Variants in GSTO2 observed in about 807,000 individuals in gnomAD.
The protein encoded by GSTO2 is glutathione S-transferase omega-2.
In GSTO2, 23 loss-of-function variants were observed where a neutral mutation model predicts 28.4. That is an observed-to-expected ratio of 0.81 (90% CI 0.58 to 1.15). The LOEUF (loss-of-function observed/expected upper bound fraction) is 1.15. Ranked by LOEUF, GSTO2 falls within the 50% of genes most tolerant of loss-of-function variation. The pLI is 0.00. For missense variants in GSTO2, 298 were observed against 297.8 expected, an observed-to-expected ratio of 1.00 and a Z score of 0.00; for synonymous variants, 109 against 111.0, an observed-to-expected ratio of 0.98 and a Z score of 0.11.
chr10:104,286,455 G>A (rs1485278580), intron 5 of GSTO2, among the ~76,000 whole-genome samples: 3 of 152,086 alleles, frequency 2.0e-5, no homozygotes, highest in Non-Finnish European at 2.9e-5. Context: ...GTGTGAATAC[G>A]CACATTTTGT....
rs2011748109 is a variant in GSTO2, at chr10:104,278,015, G to T, written c.265G>T (p.Ala89Ser). ...QCQLIYESVI[A>S]CEYLDDAYPG... ...TCAACTGATCTATGAATCTGTTATT[G>T]CTTGTGAGTACCTGGATGATGCTTA... The change falls in exon 4 of 7, where the codon GCT becomes TCT. Residue 89 changes from alanine (A) to serine (S), a missense_variant. Transcript: ENST00000338595. 3.7e-6 allele frequency: 6 copies of T among 1,613,964 alleles called. No homozygotes were observed. The South Asian group carries it at 5.5e-5, about 15-fold the overall frequency.
intron 6 of GSTO2, 41 bp downstream of exon 6, chr10:104,297,725 C>A (rs2013110826): frequency 1.5e-6 from 2 of 1,341,208 alleles, no homozygotes; most frequent in Non-Finnish European, 2.1e-6. Context: ...CCCGGAGTCA[C>A]ACTGAGTAAC....
chr10:104,295,559 A>G (rs1016411483), intron 5 of GSTO2: 2 of 152,220 alleles, frequency 1.3e-5, no homozygotes, highest in Non-Finnish European at 2.9e-5. Flanking sequence ...TTCTTCATAC[A>G]TGGTGATTTT....
At chr10:104,275,016 A>G (rs1047417882) in intron 2 of GSTO2, 67 bp downstream of exon 2, 36 of 1,551,302 alleles carry the variant, frequency 2.3e-5, no homozygotes, top group Non-Finnish European at 3.1e-5. Flanking sequence ...GCTTCGGCGG[A>G]GCTGCCTGGC....
intron 3 of GSTO2, 45 bp downstream of exon 3, chr10:104,275,379 A>C: frequency 3.6e-5 from 57 of 1,579,062 alleles, no homozygotes; most frequent in Non-Finnish European, 4.4e-5. Context: ...CCAGCGCCTC[A>C]CAGGAGCCCG....
intron 5 of GSTO2, chr10:104,296,489 G>C (rs1206439988): frequency 2.6e-5 from 4 of 151,900 alleles, no homozygotes; most frequent in South Asian, 2.1e-4. Context: ...AAATCAGCCA[G>C]GGGTAATCCC....
At chr10:104,282,579 A>T (rs1034447818) in intron 5 of GSTO2, among the ~76,000 whole-genome samples, 4 of 151,368 alleles carry the variant, frequency 2.6e-5, no homozygotes, top group East Asian at 1.9e-4. Flanking sequence ...GAAGAAGAAG[A>T]AGTTCAGCCC....
intron 3 of GSTO2, among the ~76,000 whole-genome samples, chr10:104,277,651 A>C (rs974376132): frequency 6.6e-6 from 1 of 152,086 alleles, no homozygotes; most frequent in Non-Finnish European, 1.5e-5. Context: ...CTTCTTTCCT[A>C]TGAGGTGAGC....
At position 104,297,738 on chromosome 10, in the gene GSTO2, T is replaced by C. The variant is rs1027437993; in HGVS notation, c.575+54T>C. ...TTCCCGGAGTCACACTGAGTAACAA[T>C]GGTTAAGATGGTCTGCATGCCCCCT... On this transcript the variant is annotated intron_variant, in intron 6 of 6. Transcript: ENST00000338595. 131 of 1,217,568 alleles carry C rather than the reference T, an allele frequency of 1.1e-4. No homozygotes were observed. The Middle Eastern group carries it at 1.1e-3, about 11-fold the overall frequency. The allele number at this position is 1,217,568 out of a possible 1,614,324, so 75.4% of individuals were successfully genotyped here. A position where few individuals can be genotyped will look rare whatever the true frequency, so the allele number is the denominator to read the frequency against.
In GSTO2 at chr10:104,275,262, TC is replaced by T. The variant is rs1589856461; in HGVS notation, c.73del (p.Arg25AlafsTer5). 1 of 1,613,972 alleles carries T rather than the reference TC, an allele frequency of 6.2e-7. No individual in the cohort carries two copies. The highest frequency in any genetic ancestry group is 8.5e-7 in the Non-Finnish European group (1 of 1,179,960). ...QPPGPVPEGL[I>X]RIYSMRFCPY... ...CCAGGGCCAGTCCCGGAGGGGCTGA[TC>T]CGCATCTACAGCATGAGGTTCTGCC... On this transcript the variant is annotated frameshift_variant, in exon 3 of 7. Transcript: ENST00000338595. LOFTEE classifies it high-confidence loss of function.
intron 5 of GSTO2, among the ~76,000 whole-genome samples, chr10:104,281,390 A>G (rs753962168): frequency 2.0e-5 from 3 of 152,200 alleles, no homozygotes; most frequent in Non-Finnish European, 2.9e-5. Flanking sequence ...ATACTGGACC[A>G]GGGAAAGGAG....
At position 104,304,268 on chromosome 10, in the gene GSTO2, T is replaced by G. The variant is rs2013339390; in HGVS notation, c.*4984T>G. 1.3e-5 allele frequency: 2 copies of G among 152,242 alleles called. No homozygotes were observed. The highest frequency in any genetic ancestry group is 2.4e-5 in the African/African-American group (1 of 41,470). 9.4% of individuals were successfully genotyped at this position (152,242 alleles called of 1,614,324 possible). On this transcript the variant is annotated 3_prime_UTR_variant, in exon 7 of 7. Coordinates refer to ENST00000338595, the MANE Select transcript of GSTO2 (RefSeq NM_183239.2). Reference sequence around the variant, plus strand: ...CTGAACATTTGATCTTTTCAAACATTTTTCTCTCATCTGGCCTGTTAGCGC... The same window carrying G: ...CTGAACATTTGATCTTTTCAAACATGTTTCTCTCATCTGGCCTGTTAGCGC...
At chr10:104,271,978 G>A (rs921151672) in intron 1 of GSTO2, among the ~76,000 whole-genome samples, 4 of 152,044 alleles carry the variant, frequency 2.6e-5, no homozygotes, top group Admixed American at 2.0e-4. Flanking sequence ...TTTTTAAAGG[G>A]TTGAAAAAGA....
Position 104,275,273 on chromosome 10 carries a change from A to G in GSTO2, c.82A>G (p.Ser28Gly), listed in dbSNP as rs2011574718. 6.2e-7 allele frequency: 1 copy of G among 1,614,062 alleles called. No individual in the cohort carries two copies. Among genetic ancestry groups the G allele is most frequent in the Non-Finnish European group, 8.5e-7 (1 of 1,179,992 alleles). Residue 28 changes from serine to glycine, a missense_variant, in exon 3 of 7, where the codon AGC becomes GGC. Transcript: ENST00000338595. ...PVPEGLIRIY[S>G]MRFCPYSHRT... ...CCCGGAGGGGCTGATCCGCATCTAC[A>G]GCATGAGGTTCTGCCCCTATTCTCA... is the stretch of plus-strand genomic sequence containing the variant.
chr10:104,272,148 G>A (rs1033947055), intron 1 of GSTO2, among the ~76,000 whole-genome samples: 1 of 152,168 alleles, frequency 6.6e-6, no homozygotes, highest in Non-Finnish European at 1.5e-5. Flanking sequence ...GGAAGAGACT[G>A]TGCATGTGCG....
rs745346368 is a variant in GSTO2 at position 104,297,668 on chromosome 10, G to T, written c.559G>T (p.Val187Leu). 2.9e-5 allele frequency: 47 copies of T among 1,611,644 alleles called. No homozygotes were observed. The highest frequency in any genetic ancestry group is 4.0e-5 in the Non-Finnish European group (47 of 1,177,770). The change falls in exon 6 of 7, where the codon GTG (valine) becomes TTG (leucine). Residue 187 changes from valine to leucine, a missense_variant. By Grantham distance (32) the Val-to-Leu change is conservative. Transcript: ENST00000338595. Reference protein sequence around the residue: ...LLWPWFERLDVYGILDCVSHT... With the variant: ...LLWPWFERLDLYGILDCVSHT... ...CTGGCCCTGGTTTGAGCGGCTGGAT[G>T]TGTATGGGATACTGGAGTAAGACAT...
Position 104,299,579 on chromosome 10 carries a change from G to T in GSTO2, c.*295G>T, listed in dbSNP as rs1371194172. On this transcript the variant is annotated 3_prime_UTR_variant, in exon 7 of 7. Transcript: ENST00000338595. ...CAGCCTTGAACTCCTGGGCTCAGTTGATTCTCCCGCCTCAGCCTCCTGAGA... is the reference window on the plus strand; with the variant it reads ...CAGCCTTGAACTCCTGGGCTCAGTTTATTCTCCCGCCTCAGCCTCCTGAGA... The T allele has an allele frequency of 6.2e-6, 2 of 322,564 alleles. No homozygotes were observed. Among genetic ancestry groups the T allele is most frequent in the Non-Finnish European group, 1.1e-5 (2 of 174,014 alleles). The allele number at this position is 322,564 out of a possible 1,614,324, so 20.0% of individuals were successfully genotyped here.
intron 3 of GSTO2, among the ~76,000 whole-genome samples, chr10:104,277,174 T>C (rs571496085): frequency 6.6e-6 from 1 of 152,352 alleles, no homozygotes; most frequent in South Asian, 2.1e-4. Context: ...CATATTCTGT[T>C]GTGACCTGTT....
In GSTO2 at chr10:104,271,507, G is replaced by A. The variant is rs943923989; in HGVS notation, c.-232+2238G>A. Among the ~76,000 whole-genome samples, 32 of 152,116 alleles carry A rather than the reference G, an allele frequency of 2.1e-4. 1 individual carries two copies. Among genetic ancestry groups the A allele is most frequent in the Admixed American group, 1.8e-3 (27 of 15,284 alleles). On this transcript the variant is annotated intron_variant, in intron 1 of 6. Coordinates refer to ENST00000338595, the MANE Select transcript of GSTO2 (RefSeq NM_183239.2). Reference sequence around the variant, plus strand: ...GTATTATTGGTGTTCTCATTTTGCAGGTGAGGAAAGTGAAATCCAAAAAGG... The same window carrying A: ...GTATTATTGGTGTTCTCATTTTGCAAGTGAGGAAAGTGAAATCCAAAAAGG...
Sources: gnomAD v4.1 joint callset for allele counts (sites outside exome capture counted in the v4.1 genomes callset) on GRCh38, gnomAD v4.1.1 for gene constraint, MANE v1.5 for transcripts, NCBI Gene and HGNC (gene_info 2026-07-23, HGNC 2026-07-21) for gene names.